Variants in ANKS1B observed in about 807,000 individuals in gnomAD.
ANKS1B encodes ankyrin repeat and sterile alpha motif domain-containing protein 1B.
A neutral mutation model predicts 148.3 loss-of-function variants in ANKS1B; 36 were observed. The observed-to-expected ratio is 0.24, with a 90% CI of 0.19 to 0.32. The LOEUF (loss-of-function observed/expected upper bound fraction) is 0.32, where lower values mean the gene tolerates loss of function less well. Ranked by LOEUF, ANKS1B falls within the 10% of genes least tolerant of loss-of-function variation. The pLI is 1.00. For missense variants in ANKS1B, 1,157 were observed against 1,542.6 expected (o/e 0.75, Z 4.19); for synonymous variants, 542 against 560.8 (o/e 0.97, Z 0.47).
intron 1 of ANKS1B, among the ~76,000 whole-genome samples, chr12:99,970,843 C>T (rs2095549034): frequency 6.6e-6 from 1 of 152,172 alleles, no homozygotes; most frequent in South Asian, 2.1e-4. Context: ...CTCCTTCTTG[C>T]TCCTAGTATT....
intron 12 of ANKS1B, among the ~76,000 whole-genome samples, chr12:99,360,924 T>C (rs923387136): frequency 6.6e-6 from 1 of 151,958 alleles, no homozygotes; most frequent in African/African-American, 2.4e-5. Flanking sequence ...AACTCATGCA[T>C]ATAAAGACTA....
intron 9 of ANKS1B, among the ~76,000 whole-genome samples, chr12:99,593,686 A>T (rs2097727178): frequency 6.6e-6 from 1 of 152,128 alleles, no homozygotes; most frequent in Admixed American, 6.6e-5. Context: ...CAGCTTTTAC[A>T]TTTAGCTTCA....
chr12:99,643,018 T>A (rs934142948), intron 9 of ANKS1B, among the ~76,000 whole-genome samples: 5 of 151,774 alleles, frequency 3.3e-5, no homozygotes, highest in African/African-American at 1.2e-4. Context: ...TCCCCCCCCA[T>A]CATAAGATCC....
At chr12:98,965,430 C>T (rs926026860) in intron 17 of ANKS1B, among the ~76,000 whole-genome samples, 5 of 152,118 alleles carry the variant, frequency 3.3e-5, no homozygotes, top group African/African-American at 9.7e-5. Context: ...GGGTGAAAGT[C>T]TGATGCAAGC....
At chr12:99,118,425 T>C (rs1279122130) in intron 15 of ANKS1B, among the ~76,000 whole-genome samples, 2 of 152,206 alleles carry the variant, frequency 1.3e-5, no homozygotes, top group Admixed American at 1.3e-4. Context: ...GAGAACATTT[T>C]GATGCAGTAT....
intron 9 of ANKS1B, among the ~76,000 whole-genome samples, chr12:99,524,458 G>C (rs552908521): frequency 7.9e-5 from 12 of 152,260 alleles, no homozygotes; most frequent in African/African-American, 2.9e-4. Context: ...GCATTATCCA[G>C]GTGGCCCACT....
intron 14 of ANKS1B, among the ~76,000 whole-genome samples, chr12:99,232,846 T>C (rs1461471071): frequency 3.3e-5 from 5 of 152,164 alleles, no homozygotes; most frequent in African/African-American, 9.6e-5. Context: ...AGAGAAGCCA[T>C]GCATACTCTG....
chr12:99,252,848 G>C (rs1466936252), intron 12 of ANKS1B, among the ~76,000 whole-genome samples: 1 of 152,168 alleles, frequency 6.6e-6, no homozygotes, highest in Non-Finnish European at 1.5e-5. Flanking sequence ...GATCCACTCT[G>C]AAGAAAAACT....
intron 17 of ANKS1B, among the ~76,000 whole-genome samples, chr12:99,023,652 T>G (rs59327885): frequency 0.015 from 2,354 of 152,084 alleles, 58 homozygotes; most frequent in African/African-American, 0.054. Flanking sequence ...TTCTTGACTT[T>G]AATCAAATCA....
At chr12:98,955,431 G>A (rs1369193751) in intron 17 of ANKS1B, among the ~76,000 whole-genome samples, 2 of 151,946 alleles carry the variant, frequency 1.3e-5, no homozygotes, top group South Asian at 4.2e-4. Context: ...GGAGAGATGA[G>A]GTCAGATATT....
intron 8 of ANKS1B, among the ~76,000 whole-genome samples, chr12:99,752,789 T>C (rs949997476): frequency 3.9e-5 from 6 of 152,036 alleles, no homozygotes; most frequent in African/African-American, 1.4e-4. Context: ...AATTCATTTT[T>C]TCATCCATAT....
chr12:99,766,069 T>G (rs1202219185), intron 8 of ANKS1B, among the ~76,000 whole-genome samples: 1 of 152,192 alleles, frequency 6.6e-6, no homozygotes, highest in Non-Finnish European at 1.5e-5. Flanking sequence ...CACTTTGGTC[T>G]CTGGAATTCA....
intron 17 of ANKS1B, among the ~76,000 whole-genome samples, chr12:98,837,522 A>G (rs2099380521): frequency 6.6e-6 from 1 of 152,146 alleles, no homozygotes; most frequent in Non-Finnish European, 1.5e-5. Flanking sequence ...AATTTTCTCC[A>G]GTATCACTTA....
intron 1 of ANKS1B, among the ~76,000 whole-genome samples, chr12:99,832,489 C>T (rs1405714054): frequency 2.0e-5 from 3 of 151,856 alleles, no homozygotes; most frequent in South Asian, 2.1e-4. Context: ...TTTGGGAGGC[C>T]GGGGCAGGTG....
chr12:99,397,138 G>T, intron 12 of ANKS1B, among the ~76,000 whole-genome samples: 1 of 152,186 alleles, frequency 6.6e-6, no homozygotes, highest in South Asian at 2.1e-4. Flanking sequence ...GATTGATGTA[G>T]AATACAAAGA....
At chr12:98,997,329 G>A (rs1464676323) in intron 17 of ANKS1B, among the ~76,000 whole-genome samples, 2 of 151,386 alleles carry the variant, frequency 1.3e-5, no homozygotes, top group Non-Finnish European at 2.9e-5. Context: ...AGTTGCTTGA[G>A]TTAAATAAAA....
chr12:99,201,752 TG>T (rs1239797701), intron 14 of ANKS1B, among the ~76,000 whole-genome samples: 4 of 152,210 alleles, frequency 2.6e-5, no homozygotes, highest in African/African-American at 9.7e-5. Context: ...TCAAATCATG[TG>T]AAATCTTTGA....
chr12:99,324,125 A>AT (rs1566893726), intron 12 of ANKS1B, among the ~76,000 whole-genome samples: 2 of 152,160 alleles, frequency 1.3e-5, no homozygotes, highest in Admixed American at 6.6e-5. Context: ...TGAGCTATTT[A>AT]TTTTTGTGTG....
intron 17 of ANKS1B, among the ~76,000 whole-genome samples, chr12:98,947,207 A>G (rs2099846856): frequency 6.6e-6 from 1 of 152,118 alleles, no homozygotes; most frequent in Non-Finnish European, 1.5e-5. Flanking sequence ...TCAAATGGGG[A>G]ACCACAGAAG....
Sources: allele counts gnomAD v4.1 joint callset (sites outside exome capture counted in the v4.1 genomes callset), GRCh38; gene constraint gnomAD v4.1.1; transcripts MANE v1.5; gene names NCBI Gene and HGNC (gene_info 2026-07-23, HGNC 2026-07-21).